Variants in NEGR1 observed in about 807,000 individuals in gnomAD.
The protein encoded by NEGR1 is neuronal growth regulator 1, also known as IgLON family member 4.
In NEGR1, 10 loss-of-function variants were observed where a neutral mutation model predicts 40.9. The observed-to-expected ratio is 0.24, with a 90% CI of 0.15 to 0.42. The LOEUF is 0.42. Among genes scored for constraint, NEGR1 ranks in the 10% least tolerant of loss-of-function variants. NEGR1 has a pLI of 1.00. For missense variants in NEGR1, 352 were observed against 438.9 expected (o/e 0.80, Z 1.77); for synonymous variants, 185 against 166.8 (o/e 1.11, Z -0.84).
intron 3 of NEGR1, among the ~76,000 whole-genome samples, chr1:71,752,928 T>C (rs573687107): frequency 6.6e-6 from 1 of 152,310 alleles, no homozygotes; most frequent in South Asian, 2.1e-4. Context: ...AGTAAGCCCA[T>C]GAGCTGGAGA....
rs925554332 is a variant in NEGR1 at position 71,636,533 on chromosome 1, G to T, written c.668-25387C>A. On this transcript the variant is annotated intron_variant, in intron 4 of 6. Transcript: ENST00000357731. ...TGAATTGATGGATTGACAGGAAATAGCACCGAATCATTGCCATCAAAAGCA... is the reference window on the plus strand; with the variant it reads ...TGAATTGATGGATTGACAGGAAATATCACCGAATCATTGCCATCAAAAGCA... 1.3e-5 allele frequency among the ~76,000 whole-genome samples: 2 copies of T among 152,026 alleles called. 1 individual carries two copies. The highest frequency in any genetic ancestry group is 4.1e-4 in the South Asian group (2 of 4,828).
intron 1 of NEGR1, among the ~76,000 whole-genome samples, chr1:72,087,180 G>A (rs112895635): frequency 0.014 from 2,110 of 152,238 alleles, 47 homozygotes; most frequent in African/African-American, 0.048. Flanking sequence ...AGCACTTTGG[G>A]AGGCTGAGGT....
chr1:71,912,584 C>G (rs1170144457), intron 2 of NEGR1, among the ~76,000 whole-genome samples: 1 of 152,166 alleles, frequency 6.6e-6, no homozygotes, highest in African/African-American at 2.4e-5. Context: ...AGGATCCTGT[C>G]TGCATTTATG....
intron 2 of NEGR1, among the ~76,000 whole-genome samples, chr1:71,925,942 C>A (rs1435833612): frequency 2.0e-5 from 3 of 151,318 alleles, no homozygotes; most frequent in African/African-American, 7.3e-5. Flanking sequence ...CAGTTATTTT[C>A]TTTGTTTTTT....
At chr1:71,884,043 A>T (rs537004567) in intron 2 of NEGR1, among the ~76,000 whole-genome samples, 1 of 151,854 alleles carries the variant, frequency 6.6e-6, no homozygotes, top group East Asian at 1.9e-4. Context: ...TAACCATAAC[A>T]CCATCCTACC....
At position 72,048,506 on chromosome 1, in the gene NEGR1, A is replaced by C. The variant is rs996484018; in HGVS notation, c.177-113195T>G. Among the ~76,000 whole-genome samples the C allele has an allele frequency of 2.6e-5, 4 of 151,398 alleles. No homozygotes were observed. The Admixed American group carries it at 2.6e-4, about 10-fold the overall frequency. The stretch of plus-strand genomic sequence containing the variant: ...GCGCCTTCAAGTTTCATAAATTCTT[A>C]ATACATATTTACCCAGCATTTTTTC... On this transcript the variant is annotated intron_variant, in intron 1 of 6. Transcript: ENST00000357731.
At chr1:71,776,477 T>C (rs749837400) in intron 2 of NEGR1, among the ~76,000 whole-genome samples, 180 bp from the exon 3 acceptor site, 5 of 152,178 alleles carry the variant, frequency 3.3e-5, no homozygotes, top group African/African-American at 4.8e-5. Flanking sequence ...AGTTTTTTAT[T>C]AGTTTTTTTT....
intron 1 of NEGR1, among the ~76,000 whole-genome samples, chr1:71,972,298 T>C (rs1362382667): frequency 1.3e-5 from 2 of 152,108 alleles, no homozygotes; most frequent in African/African-American, 4.8e-5. Context: ...TATCCAAAAG[T>C]AAAAGACCTA....
At chr1:71,700,922 A>C (rs1318191861) in intron 3 of NEGR1, among the ~76,000 whole-genome samples, 1 of 152,014 alleles carries the variant, frequency 6.6e-6, no homozygotes, top group African/African-American at 2.4e-5. Context: ...AAAAATGATA[A>C]AGGCTCTACT....
intron 4 of NEGR1, among the ~76,000 whole-genome samples, chr1:71,638,864 C>T (rs1034252317): frequency 3.2e-4 from 48 of 152,000 alleles, no homozygotes; most frequent in African/African-American, 1.1e-3. Context: ...CCTTTTCCCC[C>T]ATATTCAAAA....
chr1:71,947,787 A>AG (rs112511989), intron 1 of NEGR1, among the ~76,000 whole-genome samples: 55,687 of 151,446 alleles, frequency 0.37, 10,690 homozygotes, highest in East Asian at 0.57. Flanking sequence ...AAAAAAAAAA[A>AG]ATATGGAAAT....
intron 6 of NEGR1, among the ~76,000 whole-genome samples, chr1:71,547,962 G>T (rs1333303161): frequency 6.6e-6 from 1 of 151,694 alleles, no homozygotes; most frequent in Non-Finnish European, 1.5e-5. Context: ...GGCTACTGTT[G>T]TGGGCAGCTC....
chr1:71,662,566 T>G (rs1167743410), intron 4 of NEGR1, among the ~76,000 whole-genome samples: 1 of 152,118 alleles, frequency 6.6e-6, no homozygotes, highest in Admixed American at 6.6e-5. Context: ...AAGAGTATTA[T>G]TAATAATGGA....
chr1:71,567,557 C>G (rs893922623), intron 6 of NEGR1, among the ~76,000 whole-genome samples: 1 of 152,108 alleles, frequency 6.6e-6, no homozygotes, highest in Non-Finnish European at 1.5e-5. Flanking sequence ...TTCAGGTAAA[C>G]TGTGCCTTTG....
intron 2 of NEGR1, among the ~76,000 whole-genome samples, chr1:71,823,651 C>T (rs1174756698): frequency 6.6e-6 from 1 of 152,004 alleles, no homozygotes; most frequent in East Asian, 1.9e-4. Context: ...ACCTAAATTT[C>T]AAGAAACTTA....
chr1:71,664,478 C>G (rs2422021), intron 4 of NEGR1, among the ~76,000 whole-genome samples: 1 of 151,884 alleles, frequency 6.6e-6, no homozygotes, highest in Non-Finnish European at 1.5e-5. Context: ...TGGCCTCCCT[C>G]TCCTGACCAA....
chr1:71,708,744 T>G (rs146759415), intron 3 of NEGR1, among the ~76,000 whole-genome samples: 171 of 152,180 alleles, frequency 1.1e-3, no homozygotes, highest in African/African-American at 3.9e-3. Flanking sequence ...TTCCTGATGC[T>G]CCCCCTCCCC....
At chr1:71,567,326 G>A (rs990490224) in intron 6 of NEGR1, among the ~76,000 whole-genome samples, 5 of 152,066 alleles carry the variant, frequency 3.3e-5, no homozygotes, top group Non-Finnish European at 7.4e-5. Flanking sequence ...ATTCTGCTAT[G>A]AATGTGGTAG....
chr1:71,829,203 C>T (rs796266211), intron 2 of NEGR1, among the ~76,000 whole-genome samples: 12 of 151,898 alleles, frequency 7.9e-5, no homozygotes, highest in Non-Finnish European at 1.6e-4. Flanking sequence ...AAATCCTCAA[C>T]GTTTTTTGTT....
Sources: gnomAD v4.1 joint callset for allele counts (sites outside exome capture counted in the v4.1 genomes callset) on GRCh38, gnomAD v4.1.1 for gene constraint, MANE v1.5 for transcripts, NCBI Gene and HGNC (gene_info 2026-07-23, HGNC 2026-07-21) for gene names.